Variants in ZEB1 observed in about 807,000 individuals in gnomAD.
ZEB1 encodes the protein zinc finger E-box-binding homeobox 1.
Under a neutral mutation model 84.9 loss-of-function variants are expected in ZEB1, and 21 were observed. The ratio of observed to expected loss-of-function variants is 0.25; its 90% confidence interval spans 0.18 to 0.36. ZEB1 has a LOEUF of 0.36. Among genes scored for constraint, ZEB1 ranks in the 10% least tolerant of loss-of-function variants. ZEB1 has a pLI of 1.00. For missense variants in ZEB1, 1,104 were observed against 1,330.2 expected (o/e 0.83, Z 2.65); for synonymous variants, 420 against 471.1 (o/e 0.89, Z 1.41).
intron 2 of ZEB1, among the ~76,000 whole-genome samples, chr10:31,476,367 A>G (rs1054996753): frequency 3.3e-5 from 5 of 152,104 alleles, no homozygotes; most frequent in Non-Finnish European, 5.9e-5. Context: ...TAGAAGAAAT[A>G]TGTGAATTCC....
chr10:31,462,218 A>G (rs1339782408), intron 2 of ZEB1, among the ~76,000 whole-genome samples: 1 of 152,232 alleles, frequency 6.6e-6, no homozygotes, highest in East Asian at 1.9e-4. Flanking sequence ...ACAGATTGGC[A>G]GAAGTTAAGA....
chr10:31,512,195 C>A (rs887880390), intron 5 of ZEB1, among the ~76,000 whole-genome samples: 3 of 152,128 alleles, frequency 2.0e-5, no homozygotes, highest in Admixed American at 6.5e-5. Context: ...ACGTGACATT[C>A]AGGAAGCAGA....
At chr10:31,333,971 A>G (rs562977684) in intron 1 of ZEB1, among the ~76,000 whole-genome samples, 6 of 152,196 alleles carry the variant, frequency 3.9e-5, no homozygotes, top group East Asian at 1.9e-4. Flanking sequence ...GGGTCACTCA[A>G]TAGTTATAAA....
At chr10:31,474,319 A>C (rs1411940445) in intron 2 of ZEB1, among the ~76,000 whole-genome samples, 1 of 151,784 alleles carries the variant, frequency 6.6e-6, no homozygotes, top group Non-Finnish European at 1.5e-5. Flanking sequence ...CATCTGACAA[A>C]GGGCTAATAT....
intron 1 of ZEB1, among the ~76,000 whole-genome samples, chr10:31,349,984 T>C (rs371678432): frequency 6.6e-6 from 1 of 152,300 alleles, no homozygotes; most frequent in African/African-American, 2.4e-5. Flanking sequence ...ATTTAGAAAG[T>C]CATTGCCCAT....
chr10:31,392,447 A>G (rs183705926), intron 1 of ZEB1, among the ~76,000 whole-genome samples: 106 of 152,270 alleles, frequency 7.0e-4, no homozygotes, highest in African/African-American at 2.4e-3. Context: ...TCAGTAGCCT[A>G]TATACACTTC....
chr10:31,471,390 T>C lies in ZEB1; in HGVS notation c.259+10153T>C, dbSNP rs926367141. ...GAAGATCTACCAAGCAAATGGAAAA[T>C]TAAAAAAGGCAGGGGTTGCAATCCT... On this transcript the variant is annotated intron_variant, in intron 2 of 8. Transcript: ENST00000424869. Among the ~76,000 whole-genome samples, 65 of 149,450 alleles carry C rather than the reference T, an allele frequency of 4.3e-4. No homozygotes were observed. In the East Asian group the frequency reaches 0.011, roughly 25 times the overall value.
At chr10:31,419,251 G>A (rs1342210718) in intron 1 of ZEB1, among the ~76,000 whole-genome samples, 2 of 152,140 alleles carry the variant, frequency 1.3e-5, no homozygotes, top group Non-Finnish European at 2.9e-5. Flanking sequence ...CAGTGGTGTA[G>A]GCAGAGGCTG....
At chr10:31,380,710 G>A (rs2047473942) in intron 1 of ZEB1, among the ~76,000 whole-genome samples, 1 of 152,116 alleles carries the variant, frequency 6.6e-6, no homozygotes, top group Admixed American at 6.6e-5. Context: ...ATACTGGAAA[G>A]AAGCCTGGTG....
At position 31,521,105 on chromosome 10, in the gene ZEB1, G is replaced by C. The variant is rs2072241327; in HGVS notation, c.1773G>C (p.Lys591Asn). The change falls in exon 7 of 9, where the codon AAG becomes AAC. Residue 591 changes from lysine (K) to asparagine (N), a missense_variant. By Grantham distance (94) the Lys-to-Asn change is moderately conservative. Around this residue, in one of 7 missense-constraint regions of ZEB1, gnomAD observed 531 missense variants for 575.2 expected, o/e 0.92. Coordinates refer to ENST00000424869, the MANE Select transcript of ZEB1 (RefSeq NM_001174096.2). ...TGTCTCCTAGTCAGCCACCTTTAAA[G>C]AACCTCTTGTCTCTCCTAAAAGCAT... Reference protein sequence around the residue: ...GNLSPSQPPLKNLLSLLKAYY... With the variant: ...GNLSPSQPPLNNLLSLLKAYY... The C allele has an allele frequency of 6.2e-7, 1 of 1,614,060 alleles. No individual in the cohort carries two copies. The highest frequency in any genetic ancestry group is 8.5e-7 in the Non-Finnish European group (1 of 1,180,004).
At chr10:31,360,751 C>G (rs1209668728) in intron 1 of ZEB1, among the ~76,000 whole-genome samples, 1 of 152,118 alleles carries the variant, frequency 6.6e-6, no homozygotes, top group Non-Finnish European at 1.5e-5. Context: ...CCAGAGAGTT[C>G]GTAAATTAGT....
chr10:31,369,366 C>G (rs1351125960), intron 1 of ZEB1, among the ~76,000 whole-genome samples: 2 of 152,232 alleles, frequency 1.3e-5, no homozygotes, highest in Admixed American at 1.3e-4. Flanking sequence ...CCACCACCCT[C>G]CTACCCTAGC....
chr10:31,448,860 C>T (rs910025284), intron 1 of ZEB1, among the ~76,000 whole-genome samples: 1 of 152,190 alleles, frequency 6.6e-6, no homozygotes, highest in Non-Finnish European at 1.5e-5. Flanking sequence ...TTACTGCTGT[C>T]TTTTTGTTTG....
chr10:31,364,386 C>G (rs1054731153), intron 1 of ZEB1, among the ~76,000 whole-genome samples: 1 of 152,228 alleles, frequency 6.6e-6, no homozygotes, highest in Non-Finnish European at 1.5e-5. Flanking sequence ...GCCCTTCCAC[C>G]TGGCGCCTGG....
intron 1 of ZEB1, among the ~76,000 whole-genome samples, chr10:31,426,341 G>A: frequency 6.6e-6 from 1 of 151,958 alleles, no homozygotes; most frequent in Non-Finnish European, 1.5e-5. Context: ...CAGGTTGACA[G>A]CTATTCTTAG....
At chr10:31,455,064 T>C (rs2061036962) in intron 1 of ZEB1, among the ~76,000 whole-genome samples, 1 of 151,936 alleles carries the variant, frequency 6.6e-6, no homozygotes, top group Non-Finnish European at 1.5e-5. Flanking sequence ...TCAAAATAGA[T>C]ATATAGACCA....
At chr10:31,400,877 T>C (rs543210319) in intron 1 of ZEB1, among the ~76,000 whole-genome samples, 2 of 152,194 alleles carry the variant, frequency 1.3e-5, no homozygotes, top group Admixed American at 1.3e-4. Flanking sequence ...TTCTTGACTA[T>C]ATGCATAACT....
chr10:31,330,831 T>TTTAAG (rs1554806069), intron 1 of ZEB1, among the ~76,000 whole-genome samples: 2 of 151,140 alleles, frequency 1.3e-5, no homozygotes, highest in African/African-American at 2.4e-5. Context: ...TAAGATAGTT[T>TTTAAG]TTTAACTTTT....
In ZEB1 at chr10:31,527,019, G is replaced by A. The variant is rs748861379; in HGVS notation, c.3133G>A (p.Asp1045Asn). 2 of 1,595,176 alleles carry A rather than the reference G, an allele frequency of 1.3e-6. No homozygotes were observed. Among genetic ancestry groups the A allele is most frequent in the Non-Finnish European group, 1.7e-6 (2 of 1,169,152 alleles). The change falls in exon 9 of 9, where the codon GAT becomes AAT. Residue 1045 changes from aspartate to asparagine, a missense_variant. Around this residue, in one of 7 missense-constraint regions of ZEB1, gnomAD observed 173 missense variants for 167.0 expected, o/e 1.04. Coordinates refer to ENST00000424869, the MANE Select transcript of ZEB1 (RefSeq NM_001174096.2). Reference sequence around the variant, plus strand: ...CAGTGAAAAAGAGGAAGAGGAGGAGGATAAAGAGATGGAAGAATTGCAGGA... The same window carrying A: ...CAGTGAAAAAGAGGAAGAGGAGGAGAATAAAGAGATGGAAGAATTGCAGGA... ...EDSEKEEEEEDKEMEELQEEK... is the reference protein window; with the variant it reads ...EDSEKEEEEENKEMEELQEEK...
Sources: gnomAD v4.1 joint callset for allele counts (sites outside exome capture counted in the v4.1 genomes callset) on GRCh38, gnomAD v4.1.1 for gene constraint, gnomAD v4.1.1 regional missense constraint, MANE v1.5 for transcripts, NCBI Gene and HGNC (gene_info 2026-07-23, HGNC 2026-07-21) for gene names.